The following FBXO25 variants were observed in gnomAD, a reference collection of about 807,000 sequenced individuals.
The protein encoded by FBXO25 is F-box protein 25.
A neutral mutation model predicts 51.9 loss-of-function variants in FBXO25; 45 were observed. That is an observed-to-expected ratio of 0.87 (90% CI 0.68 to 1.11). The LOEUF is 1.11. Among genes scored for constraint, FBXO25 ranks in the 50% most tolerant of loss-of-function variants. The pLI is 0.00. For synonymous variants in FBXO25, 199 were observed against 151.0 expected (o/e 1.32, Z -2.33); for missense variants, 507 against 428.5 (o/e 1.18, Z -1.62).
chr8:433,069 T>C lies in FBXO25; in HGVS notation c.288+134T>C, dbSNP rs988705264. The stretch of plus-strand genomic sequence containing the variant: ...AATATCAGATCTATGGTTCACATTC[T>C]GACAGATAATAGCATATGAGGAGCT... On this transcript the variant is annotated intron_variant, in intron 4 of 9. Transcript: ENST00000350302. The C allele has an allele frequency of 5.8e-6, 7 of 1,198,232 alleles. No individual in the cohort carries two copies. In the African/African-American group the frequency reaches 1.1e-4, roughly 19 times the overall value. 74.2% of individuals were successfully genotyped at this position (1,198,232 alleles called of 1,614,324 possible).
chr8:414,437 G>A (rs1796673511), intron 2 of FBXO25, among the ~76,000 whole-genome samples: 1 of 151,986 alleles, frequency 6.6e-6, no homozygotes, highest in African/African-American at 2.4e-5. Context: ...GTGGATTTTA[G>A]GATGGGGAGA....
At chr8:442,417 T>G (rs1798482929) in intron 5 of FBXO25, among the ~76,000 whole-genome samples, 1 of 152,326 alleles carries the variant, frequency 6.6e-6, no homozygotes. Context: ...TTTTTTTTCT[T>G]CAAGCAAACT....
intron 1 of FBXO25, among the ~76,000 whole-genome samples, chr8:411,606 T>G (rs776559161): frequency 5.3e-5 from 8 of 152,228 alleles, no homozygotes; most frequent in Non-Finnish European, 1.2e-4. Context: ...CCTGTTGTTT[T>G]CCTGGCATTG....
intron 1 of FBXO25, among the ~76,000 whole-genome samples, chr8:411,686 G>C (rs1274309502): frequency 6.6e-6 from 1 of 152,128 alleles, no homozygotes; most frequent in African/African-American, 2.4e-5. Flanking sequence ...TGATAAACAC[G>C]CTAATCATTT....
chr8:418,172 G>T (rs1236523298), intron 2 of FBXO25, among the ~76,000 whole-genome samples: 2 of 152,124 alleles, frequency 1.3e-5, no homozygotes, highest in East Asian at 3.9e-4. Flanking sequence ...TAAAGGTGCT[G>T]TCTGCTCCCA....
At chr8:423,849 G>C (rs543452953) in intron 2 of FBXO25, among the ~76,000 whole-genome samples, 1 of 152,292 alleles carries the variant, frequency 6.6e-6, no homozygotes, top group African/African-American at 2.4e-5. Context: ...TCTATTTTAA[G>C]TTCTTTGAGA....
chr8:416,736 C>T (rs1203189523), intron 2 of FBXO25, among the ~76,000 whole-genome samples: 2 of 152,192 alleles, frequency 1.3e-5, no homozygotes, highest in African/African-American at 4.8e-5. Context: ...CATACTGTTA[C>T]ACCTGTTTAG....
intron 5 of FBXO25, among the ~76,000 whole-genome samples, chr8:447,697 A>G (rs781513341): frequency 6.6e-6 from 1 of 152,216 alleles, no homozygotes; most frequent in Admixed American, 6.5e-5. Flanking sequence ...AAATTCATGT[A>G]TGTTTCACAT....
intron 7 of FBXO25, among the ~76,000 whole-genome samples, chr8:452,004 T>C (rs928846648): frequency 2.0e-5 from 3 of 152,234 alleles, no homozygotes; most frequent in African/African-American, 7.2e-5. Flanking sequence ...GATAGTGTTT[T>C]ATTTAACTCT....
At chr8:462,956 T>C (rs1799913521) in intron 8 of FBXO25, 51 bp from the exon 9 acceptor site, 17 of 1,560,926 alleles carry the variant, frequency 1.1e-5, no homozygotes, top group Non-Finnish European at 1.5e-5. Flanking sequence ...CCTAATATTA[T>C]GTTTTGAAAG....
chr8:452,379 T>C (rs978895137), intron 7 of FBXO25, among the ~76,000 whole-genome samples: 2 of 152,222 alleles, frequency 1.3e-5, no homozygotes, highest in Non-Finnish European at 2.9e-5. Context: ...TTCAAAGCTT[T>C]GCACAGGCTG....
At chr8:467,924 C>A (rs555134641) in intron 9 of FBXO25, 1 of 1,451,100 alleles carries the variant, frequency 6.9e-7, no homozygotes, top group Non-Finnish European at 9.1e-7. Flanking sequence ...TCAGCAAGGA[C>A]GAGAGTGTTG....
Position 435,652 on chromosome 8 carries a change from G to T in FBXO25, c.326G>T (p.Arg109Leu), listed in dbSNP as rs147533889. The change falls in exon 5 of 10, where the codon CGG (arginine) becomes CTG (leucine). Residue 109 changes from arginine (R) to leucine (L), a missense_variant. Arg to Leu is a moderately radical substitution (Grantham distance 102). Transcript: ENST00000350302. Reference sequence around the variant, plus strand: ...TGCACCTTGGGAGAAGCCTTTAATCGGTTAGACTTCTCAAGTGCAATTCAA... The same window carrying T: ...TGCACCTTGGGAGAAGCCTTTAATCTGTTAGACTTCTCAAGTGCAATTCAA... ...GYCTLGEAFN[R>L]LDFSSAIQDI... 1 of 1,605,790 alleles carries T rather than the reference G, an allele frequency of 6.2e-7. No homozygotes were observed. The highest frequency in any genetic ancestry group is 8.5e-7 in the Non-Finnish European group (1 of 1,178,386).
At chr8:432,408 G>A (rs1217912511) in intron 3 of FBXO25, among the ~76,000 whole-genome samples, 1 of 152,018 alleles carries the variant, frequency 6.6e-6, no homozygotes, top group Non-Finnish European at 1.5e-5. Flanking sequence ...GTGGGTAATT[G>A]AAACTGTAGA....
At chr8:442,391 C>T (rs552770508) in intron 5 of FBXO25, among the ~76,000 whole-genome samples, 2 of 152,032 alleles carry the variant, frequency 1.3e-5, no homozygotes, top group Non-Finnish European at 2.9e-5. Context: ...AGTTGTACTG[C>T]ACCTACAGGT....
intron 2 of FBXO25, among the ~76,000 whole-genome samples, chr8:423,763 T>C (rs1797299904): frequency 1.3e-5 from 2 of 152,314 alleles, no homozygotes; most frequent in Middle Eastern, 3.4e-3. Flanking sequence ...TAGGAGTGCC[T>C]GTGTCTTTTT....
chr8:476,069 T>G lies in FBXO25; in HGVS notation c.*7265T>G, dbSNP rs1800632222. On this transcript the variant is annotated 3_prime_UTR_variant, in exon 10 of 10. Transcript: ENST00000350302. ...CCTTCTATTCCCAATTGTTGAGTTT[T>G]TATCATGAAAGGGCATGACATTGTC... 6.6e-6 allele frequency: 1 copy of G among 152,200 alleles called. No homozygotes were observed. The highest frequency in any genetic ancestry group is 2.4e-5 in the African/African-American group (1 of 41,450). 9.4% of individuals were successfully genotyped at this position (152,200 alleles called of 1,614,324 possible).
intron 2 of FBXO25, among the ~76,000 whole-genome samples, chr8:416,609 C>T (rs1272825063): frequency 6.6e-6 from 1 of 152,148 alleles, no homozygotes; most frequent in Admixed American, 6.5e-5. Flanking sequence ...CCCCACCCCT[C>T]CAGAAAGGGT....
In FBXO25 at chr8:470,649, G is replaced by C. The variant is rs1051825157; in HGVS notation, c.*1845G>C. Reference sequence around the variant, plus strand: ...ACCTGCCTCAGCTTCCCAAAGTGCTGGGATTACAGGCATGAGCCACCACGT... The same window carrying C: ...ACCTGCCTCAGCTTCCCAAAGTGCTCGGATTACAGGCATGAGCCACCACGT... On this transcript the variant is annotated 3_prime_UTR_variant, in exon 10 of 10. Transcript: ENST00000350302. The C allele has an allele frequency of 6.6e-6, 1 of 152,200 alleles. No homozygotes were observed. Among genetic ancestry groups the C allele is most frequent in the Admixed American group, 6.5e-5 (1 of 15,282 alleles). 9.4% of individuals were successfully genotyped at this position (152,200 alleles called of 1,614,324 possible).
Sources: gnomAD v4.1 joint callset for allele counts (sites outside exome capture counted in the v4.1 genomes callset) on GRCh38, gnomAD v4.1.1 for gene constraint, MANE v1.5 for transcripts, NCBI Gene and HGNC (gene_info 2026-07-23, HGNC 2026-07-21) for gene names.